Variants in GNAS observed in about 807,000 individuals in gnomAD.
GNAS encodes the protein GNAS complex locus, also known as protein ALEX.
GNAS carries 8 observed loss-of-function variants against 54.5 expected under a neutral mutation model. That is an observed-to-expected ratio of 0.15 (90% CI 0.09 to 0.26). GNAS has a LOEUF of 0.26. Ranked by LOEUF, GNAS falls within the 10% of genes least tolerant of loss-of-function variation. The pLI is 1.00. For synonymous variants in GNAS, 204 were observed against 191.4 expected (o/e 1.07, Z -0.54); for missense variants, 170 against 529.8 (o/e 0.32, Z 6.67).
chr20:58,901,673 G>A (rs1161654443), intron 3 of GNAS, among the ~76,000 whole-genome samples: 1 of 151,846 alleles, frequency 6.6e-6, no homozygotes, highest in Non-Finnish European at 1.5e-5. Flanking sequence ...GGGGCTTCAC[G>A]TAGGAAGGGG....
chr20:58,840,578 T>G, upstream of GNAS: 3 of 1,611,936 alleles, frequency 1.9e-6, no homozygotes, highest in Non-Finnish European at 2.5e-6. The surrounding 1 kb of genome is among the most constrained non-coding windows in gnomAD (Gnocchi z 6.0). Context: ...CTTCGGCCAG[T>G]CCCTCACCCA....
In GNAS at chr20:58,891,635, C is replaced by T. The variant is rs2089342947; in HGVS notation, c.-92C>T. On this transcript the variant is annotated 5_prime_UTR_variant, in exon 1 of 13. Transcript: ENST00000371085. ...CCGAGCCCGCGCCCGGCCCGCCCGC[C>T]CGGCGCTGCCCCGGCCCTCCCGGCC... 8 of 971,156 alleles carry T rather than the reference C, an allele frequency of 8.2e-6. No homozygotes were observed. The highest frequency in any genetic ancestry group is 9.7e-6 in the Non-Finnish European group (8 of 823,122). The allele number at this position is 971,156 out of a possible 1,614,324, so 60.2% of individuals were successfully genotyped here.
At chr20:58,849,971 C>T (rs1353555226) in intron 1 of GNAS, among the ~76,000 whole-genome samples, 1 of 152,188 alleles carries the variant, frequency 6.6e-6, no homozygotes, top group African/African-American at 2.4e-5. Context: ...CCTCATACTC[C>T]ATGGCATCCT....
Position 58,855,273 on chromosome 20 carries a change from G to T in GNAS, c.43+14387G>T, listed in dbSNP as rs965881062. 6.3e-7 allele frequency: 1 copy of T among 1,586,482 alleles called. No individual in the cohort carries two copies. The highest frequency in any genetic ancestry group is 8.6e-7 in the Non-Finnish European group (1 of 1,165,874). ...AGAGAAGAAACGCAGTAAGCTCATC[G>T]ACAAACAACTCCAGGACGAAAAGAT... is the stretch of plus-strand genomic sequence containing the variant. On this transcript the variant is annotated intron_variant, in intron 1 of 12. Transcript: ENST00000306090.
intron 1 of GNAS, among the ~76,000 whole-genome samples, chr20:58,851,807 A>T (rs2086186708): frequency 6.6e-6 from 1 of 152,170 alleles, no homozygotes. Context: ...CCAGAGCGAG[A>T]GGAGAGGGGC....
intron 1 of GNAS, among the ~76,000 whole-genome samples, chr20:58,865,636 G>A (rs2087020669): frequency 6.6e-6 from 1 of 150,666 alleles, no homozygotes; most frequent in Admixed American, 6.6e-5. Context: ...GAGTGCAATG[G>A]CATGATCTCA....
chr20:58,904,799 CACTG>C (rs1278472013), intron 5 of GNAS, among the ~76,000 whole-genome samples: 3 of 152,082 alleles, frequency 2.0e-5, no homozygotes, highest in East Asian at 3.9e-4. Context: ...TAATATAACC[CACTG>C]ACTTTCTTGA....
At chr20:58,870,410 A>G (rs937720241) in intron 1 of GNAS, among the ~76,000 whole-genome samples, 1 of 152,266 alleles carries the variant, frequency 6.6e-6, no homozygotes, top group African/African-American at 2.4e-5. Flanking sequence ...AGGCCAGGGC[A>G]GGTGGCTGCC....
chr20:58,851,000 G>A (rs546850653), intron 1 of GNAS: 5 of 398,350 alleles, frequency 1.3e-5, no homozygotes, highest in East Asian at 3.6e-5. Context: ...TGGCTGACCC[G>A]GCGCTGGGGT....
intron 1 of GNAS, chr20:58,855,244 G>A (rs541897476): frequency 3.1e-6 from 5 of 1,591,150 alleles, no homozygotes; most frequent in African/African-American, 2.7e-5. Context: ...GCCCAGAAGC[G>A]CGCAGAGAAG....
rs552345587 is a variant in GNAS, at chr20:58,903,801, A to T, written c.432+10A>T. ...CTTTGACTTCCCTCCCGTAAGCTAC[A>T]CCCCGACTTGTGTGGCCTTAGCCCC... On this transcript the variant is annotated intron_variant, in intron 5 of 12. Coordinates refer to ENST00000371085, the MANE Select transcript of GNAS (RefSeq NM_000516.7). The T allele has an allele frequency of 1.0e-4, 166 of 1,613,878 alleles. 1 individual carries two copies. In the South Asian group the frequency reaches 1.6e-3, roughly 16 times the overall value.
At chr20:58,877,769 G>T (rs570849273) in intron 1 of GNAS, among the ~76,000 whole-genome samples, 9 of 152,222 alleles carry the variant, frequency 5.9e-5, no homozygotes, top group Non-Finnish European at 1.3e-4. Flanking sequence ...CGGCCTTGCC[G>T]GTAATCCCTG....
rs981794807 is a variant in GNAS at position 58,841,356 on chromosome 20, A to G, written c.43+470A>G. The G allele has an allele frequency of 9.6e-7, 1 of 1,043,928 alleles. No homozygotes were observed. Among genetic ancestry groups the G allele is most frequent in the South Asian group, 3.4e-5 (1 of 29,132 alleles). 64.7% of individuals were successfully genotyped at this position (1,043,928 alleles called of 1,614,324 possible). ...CACGATGTGAGAGCAGCCGCGCTGT[A>G]GAGACACCGTTGAAATGTGCGGAAA... On this transcript the variant is annotated intron_variant, in intron 1 of 12. Transcript: ENST00000306090. This position sits in a 1 kb window ranked among gnomAD's most constrained non-coding sequence, Gnocchi z 5.0.
chr20:58,881,290 T>C (rs1332953878), intron 1 of GNAS, among the ~76,000 whole-genome samples: 1 of 152,130 alleles, frequency 6.6e-6, no homozygotes, highest in Non-Finnish European at 1.5e-5. Flanking sequence ...AAAGGAGTGG[T>C]GCTTTAACTT....
Position 58,891,627 on chromosome 20 carries a change from CCGCCCGCCCGGCG to C in GNAS, c.-98_-86del, listed in dbSNP as rs1475769835. ...CCGAGGAGCCGAGCCCGCGCCCGGC[CCGCCCGCCCGGCG>C]CTGCCCCGGCCCTCCCGGCCCGCGT... On this transcript the variant is annotated 5_prime_UTR_variant, in exon 1 of 13. Coordinates refer to ENST00000371085, the MANE Select transcript of GNAS (RefSeq NM_000516.7). 1 of 970,396 alleles carries C rather than the reference CCGCCCGCCCGGCG, an allele frequency of 1.0e-6. No homozygotes were observed. The highest frequency in any genetic ancestry group is 6.5e-5 in the Admixed American group (1 of 15,416). 60.1% of individuals were successfully genotyped at this position (970,396 alleles called of 1,614,324 possible).
rs76281345 is a variant in GNAS, at chr20:58,866,351, A to C, written c.43+25465A>C. ...GAGAAAGAGCATAAGATCTCTCAGG[A>C]ATAATACATAGCTAAGCCAATAGAA... is the stretch of plus-strand genomic sequence containing the variant. On this transcript the variant is annotated intron_variant, in intron 1 of 12. Transcript: ENST00000306090. Among the ~76,000 whole-genome samples, 828 of 152,344 alleles carry C rather than the reference A, an allele frequency of 5.4e-3. 18 individuals carry two copies. Among genetic ancestry groups the C allele is most frequent in the African/African-American group, 0.019 (791 of 41,578 alleles).
At chr20:58,908,287 T>G (rs1220639677) in intron 6 of GNAS, among the ~76,000 whole-genome samples, 1 of 152,178 alleles carries the variant, frequency 6.6e-6, no homozygotes, top group Non-Finnish European at 1.5e-5. Flanking sequence ...AAAAGTAAAT[T>G]TTCCTGTGTG....
chr20:58,905,460 G>C lies in GNAS; in HGVS notation c.510G>C (p.Gln170His), dbSNP rs2090977091. The C allele has an allele frequency of 6.3e-7, 1 of 1,597,614 alleles. No homozygotes were observed. Among genetic ancestry groups the C allele is most frequent in the Non-Finnish European group, 8.6e-7 (1 of 1,164,844 alleles). The change falls in exon 6 of 13, where the codon CAG becomes CAC. Residue 170 changes from glutamine to histidine, a missense_variant. Physicochemically the swap from Gln to His is conservative, Grantham distance 24. Coordinates refer to ENST00000371085, the MANE Select transcript of GNAS (RefSeq NM_000516.7). ...RACYERSNEY[Q>H]LIDCAQYFLD... ...GCTACGAACGCTCCAACGAGTACCA[G>C]CTGATTGACTGTGCCCAGTAGTAAG...
chr20:58,861,927 A>G (rs1049231584), intron 1 of GNAS, among the ~76,000 whole-genome samples: 1 of 151,596 alleles, frequency 6.6e-6, no homozygotes, highest in Admixed American at 6.6e-5. Flanking sequence ...CGGGTCTCGA[A>G]CTCCTGACCT....
Sources: gnomAD v4.1 joint callset for allele counts (sites outside exome capture counted in the v4.1 genomes callset) on GRCh38, gnomAD v4.1.1 for gene constraint, Gnocchi (gnomAD v3.1) non-coding constraint, MANE v1.5 for transcripts, NCBI Gene and HGNC (gene_info 2026-07-23, HGNC 2026-07-21) for gene names.